Variants in TBXAS1 observed in about 807,000 individuals in gnomAD.
TBXAS1 encodes the protein thromboxane-A synthase.
In TBXAS1, 48 loss-of-function variants were observed where a neutral mutation model predicts 60.7. The ratio of observed to expected loss-of-function variants is 0.79; its 90% CI spans 0.63 to 1.01. The LOEUF (loss-of-function observed/expected upper bound fraction) is 1.01, where lower values mean the gene tolerates loss of function less well. TBXAS1 is among the 50% of genes least tolerant of loss of function. TBXAS1 has a pLI of 0.00. For missense variants in TBXAS1, 685 were observed against 686.3 expected (o/e 1.00, Z 0.02); for synonymous variants, 287 against 269.7 (o/e 1.06, Z -0.63).
At chr7:139,935,794 C>T (rs1347632359) in intron 4 of TBXAS1, among the ~76,000 whole-genome samples, 6 of 152,124 alleles carry the variant, frequency 3.9e-5, no homozygotes, top group Non-Finnish European at 5.9e-5. Context: ...CACACAAAAC[C>T]CTGTGCCATG....
intron 1 of TBXAS1, among the ~76,000 whole-genome samples, chr7:139,860,792 G>C (rs1800905591): frequency 6.6e-6 from 1 of 152,212 alleles, no homozygotes; most frequent in Admixed American, 6.5e-5. Context: ...GAATAAATTT[G>C]TGTTGTTTTA....
intron 4 of TBXAS1, among the ~76,000 whole-genome samples, chr7:139,807,382 C>T (rs1350755413): frequency 6.6e-6 from 1 of 150,674 alleles, no homozygotes; most frequent in South Asian, 2.1e-4. Context: ...CCCACCACAC[C>T]TAGTTAATTT....
At chr7:139,887,074 C>T (rs1158713767) in intron 3 of TBXAS1, among the ~76,000 whole-genome samples, 1 of 152,142 alleles carries the variant, frequency 6.6e-6, no homozygotes, top group African/African-American at 2.4e-5. Context: ...CGAGAACCCA[C>T]AGCTAACACC....
At chr7:139,872,411 T>C (rs1284416846) in intron 2 of TBXAS1, 83 bp downstream of exon 2, 2 of 1,387,500 alleles carry the variant, frequency 1.4e-6, no homozygotes, top group East Asian at 2.4e-5. Flanking sequence ...TCCCAGCACT[T>C]TGGGAGGCCG....
intron 11 of TBXAS1, 113 bp from the exon 12 acceptor site, chr7:140,017,558 A>G (rs1030365815): frequency 1.4e-6 from 2 of 1,420,100 alleles, no homozygotes; most frequent in Non-Finnish European, 1.9e-6. Flanking sequence ...ATCAGCTCCC[A>G]GAGCCTTGGA....
At chr7:139,802,535 A>G (rs890493751) in intron 4 of TBXAS1, among the ~76,000 whole-genome samples, 5 of 152,218 alleles carry the variant, frequency 3.3e-5, no homozygotes, top group African/African-American at 1.2e-4. Flanking sequence ...CTGTAATTCC[A>G]GCACTTTGGG....
intron 4 of TBXAS1, among the ~76,000 whole-genome samples, chr7:139,801,470 C>CTT (rs56097281): frequency 4.0e-4 from 60 of 150,310 alleles, no homozygotes; most frequent in African/African-American, 1.1e-3. Flanking sequence ...TCTCTTTGTC[C>CTT]TTTTTTTTTC....
chr7:139,793,083 A>G (rs928863634), intron 4 of TBXAS1, among the ~76,000 whole-genome samples: 1 of 152,184 alleles, frequency 6.6e-6, no homozygotes, highest in African/African-American at 2.4e-5. Flanking sequence ...ATTATAAAAC[A>G]TCTCTCTAGA....
rs1210152674 is a variant in TBXAS1, at chr7:139,796,361, A to G, written c.-80+8935A>G. ...AGACATGGAGGGGCCTTAAATGCAT[A>G]CTGCACTGTGAAACAAGCCAATCCA... On this transcript the variant is annotated intron_variant, in intron 4 of 16. Transcript: ENST00000336425. Among the ~76,000 whole-genome samples the G allele has an allele frequency of 4.6e-5, 7 of 152,232 alleles. No homozygotes were observed. In the East Asian group the frequency reaches 1.3e-3, roughly 29 times the overall value.
In TBXAS1 at chr7:139,852,935, TACACACACACACACACACACACACAC is replaced by T. The variant is rs57545948; in HGVS notation, c.90-19270_90-19245del. Reference sequence around the variant, plus strand: ...TGTGTACCAACCTTGGCTACTCCAATACACACACACACACACACACACACACACACACACACACACACACACACACA... The same window carrying T: ...TGTGTACCAACCTTGGCTACTCCAATACACACACACACACACACACACACA... On this transcript the variant is annotated intron_variant, in intron 1 of 12. Transcript: ENST00000448866. This position sits in a 1 kb window ranked among gnomAD's most constrained non-coding sequence, Gnocchi z 4.4. Among the ~76,000 whole-genome samples, 14 of 127,502 alleles carry T rather than the reference TACACACACACACACACACACACACAC, an allele frequency of 1.1e-4. No homozygotes were observed. Among genetic ancestry groups the T allele is most frequent in the African/African-American group, 2.3e-4 (8 of 34,600 alleles). 83.6% of individuals were successfully genotyped at this position (127,502 alleles called of 152,430 possible).
intron 3 of TBXAS1, among the ~76,000 whole-genome samples, chr7:139,877,191 G>A (rs1341996743): frequency 2.0e-5 from 3 of 152,190 alleles, no homozygotes; most frequent in Non-Finnish European, 4.4e-5. Flanking sequence ...GTACTCCTCG[G>A]ATGGACGAGC....
In TBXAS1 at chr7:139,962,156, G is replaced by T. The variant is rs145733169; in HGVS notation, c.1057G>T (p.Ala353Ser). 2.5e-4 allele frequency: 405 copies of T among 1,614,136 alleles called. No individual in the cohort carries two copies. The highest frequency in any genetic ancestry group is 3.3e-4 in the Non-Finnish European group (387 of 1,180,036). ...YEIITNTLSFATYLLATNPDC... is the reference protein window; with the variant it reads ...YEIITNTLSFSTYLLATNPDC... Reference sequence around the variant, plus strand: ...AATCATCACCAACACACTTTCTTTTGCCACCTACCTACTGGCCACCAACCC... The same window carrying T: ...AATCATCACCAACACACTTTCTTTTTCCACCTACCTACTGGCCACCAACCC... Residue 353 changes from alanine to serine, a missense_variant, in exon 9 of 13, where the codon GCC becomes TCC. Transcript: ENST00000448866.
At chr7:140,018,240 G>A (rs1262301324) in intron 12 of TBXAS1, among the ~76,000 whole-genome samples, 1 of 152,168 alleles carries the variant, frequency 6.6e-6, no homozygotes, top group African/African-American at 2.4e-5. Context: ...GGGGTGGGGG[G>A]TGCATGGCTT....
intron 9 of TBXAS1, among the ~76,000 whole-genome samples, chr7:139,986,755 ATG>A (rs72102720): frequency 0.06 from 4,697 of 78,372 alleles, 188 homozygotes; most frequent in South Asian, 0.09. Flanking sequence ...ATATATATAT[ATG>A]TGTGTGTGTG....
At position 139,793,462 on chromosome 7, in the gene TBXAS1, G is replaced by A. The variant is rs147631834; in HGVS notation, c.-80+6036G>A. Among the ~76,000 whole-genome samples, 20 of 152,072 alleles carry A rather than the reference G, an allele frequency of 1.3e-4. No individual in the cohort carries two copies. The East Asian group carries it at 1.9e-3, about 15-fold the overall frequency. The stretch of plus-strand genomic sequence containing the variant: ...GAACACCTACTCTGTGCCAAACACC[G>A]TTTTACTGAGTGGCAAACAACAGTG... On this transcript the variant is annotated intron_variant, in intron 4 of 16. Coordinates refer to the TBXAS1 transcript ENST00000336425.
chr7:139,807,445 G>A (rs1368508382), intron 4 of TBXAS1, among the ~76,000 whole-genome samples: 7 of 151,676 alleles, frequency 4.6e-5, no homozygotes, highest in Non-Finnish European at 1.0e-4. Context: ...GTGTAGTGGC[G>A]CAATCTCGGC....
chr7:139,835,878 C>T (rs1267371866), intron 1 of TBXAS1, among the ~76,000 whole-genome samples: 1 of 152,000 alleles, frequency 6.6e-6, no homozygotes, highest in Non-Finnish European at 1.5e-5. Flanking sequence ...CCTTGAAAAC[C>T]CTCAGGCCTC....
At chr7:139,779,225 T>C (rs762266185) in intron 1 of TBXAS1, among the ~76,000 whole-genome samples, 11 of 152,248 alleles carry the variant, frequency 7.2e-5, no homozygotes, top group Non-Finnish European at 1.3e-4. Flanking sequence ...ATTTTCTCAC[T>C]ACTTCTTATC....
At chr7:139,922,569 G>A (rs1481619525) in intron 4 of TBXAS1, among the ~76,000 whole-genome samples, 2 of 152,116 alleles carry the variant, frequency 1.3e-5, no homozygotes, top group Non-Finnish European at 2.9e-5. Context: ...AGATAAATGT[G>A]TTGTGAATAT....
Sources: gnomAD v4.1 joint callset for allele counts (sites outside exome capture counted in the v4.1 genomes callset) on GRCh38, gnomAD v4.1.1 for gene constraint, Gnocchi (gnomAD v3.1) non-coding constraint, MANE v1.5 for transcripts, NCBI Gene and HGNC (gene_info 2026-07-23, HGNC 2026-07-21) for gene names.